FILIP1L: variants seen among roughly 807,000 people sequenced by gnomAD.
FILIP1L encodes filamin A-interacting protein 1-like.
Under a neutral mutation model 96.6 loss-of-function variants are expected in FILIP1L, and 55 were observed. The observed-to-expected ratio is 0.57, with a 90% CI of 0.46 to 0.71. FILIP1L has a LOEUF of 0.71. Ranked by LOEUF, FILIP1L falls within the 30% of genes least tolerant of loss-of-function variation. The pLI is 0.00. For missense variants in FILIP1L, 1,304 were observed against 1,321.2 expected (o/e 0.99, Z 0.20); for synonymous variants, 467 against 473.9 (o/e 0.99, Z 0.19).
chr3:99,913,856 G>A (rs146088921), intron 4 of FILIP1L, among the ~76,000 whole-genome samples: 74 of 152,206 alleles, frequency 4.9e-4, no homozygotes, highest in Admixed American at 1.4e-3. Flanking sequence ...TTGCTAATGC[G>A]TTTCTTCTGA....
chr3:99,909,006 TA>T (rs1009439292), intron 4 of FILIP1L, among the ~76,000 whole-genome samples: 10 of 152,102 alleles, frequency 6.6e-5, no homozygotes, highest in Admixed American at 2.0e-4. Flanking sequence ...ACTCTATACT[TA>T]AAAAAATTAT....
chr3:99,893,169 T>A (rs948746992), intron 4 of FILIP1L, among the ~76,000 whole-genome samples: 1 of 149,336 alleles, frequency 6.7e-6, no homozygotes, highest in African/African-American at 2.5e-5. Flanking sequence ...AGACTTTTTT[T>A]TTTTTTTTTT....
intron 4 of FILIP1L, among the ~76,000 whole-genome samples, chr3:99,864,910 G>C (rs1191840938): frequency 1.3e-5 from 2 of 152,116 alleles, no homozygotes; most frequent in Non-Finnish European, 2.9e-5. Flanking sequence ...GTGTGTGTAT[G>C]TGCGCACACA....
chr3:100,108,123 T>C (rs1044493348), intron 1 of FILIP1L, among the ~76,000 whole-genome samples: 4 of 152,296 alleles, frequency 2.6e-5, no homozygotes, highest in East Asian at 1.9e-4. Context: ...ATGATTCAAA[T>C]GCTAGTTCCT....
chr3:99,956,554 C>T (rs1390124109), intron 1 of FILIP1L, among the ~76,000 whole-genome samples: 1 of 152,152 alleles, frequency 6.6e-6, no homozygotes, highest in Non-Finnish European at 1.5e-5. Context: ...ACCACGTTGG[C>T]CAGGCTAGTC....
chr3:99,893,495 G>A (rs934706513), intron 4 of FILIP1L, among the ~76,000 whole-genome samples: 1 of 152,124 alleles, frequency 6.6e-6, no homozygotes, highest in African/African-American at 2.4e-5. Flanking sequence ...TAGGCATTTA[G>A]TAACAGTAAC....
intron 5 of FILIP1L, 129 bp downstream of exon 5, chr3:99,848,166 T>C (rs1421029032): frequency 2.0e-6 from 3 of 1,532,450 alleles, no homozygotes; most frequent in South Asian, 1.3e-5. Flanking sequence ...TGCACAAACC[T>C]TCCCAAAGTA....
chr3:99,986,939 A>C (rs1709358716), intron 1 of FILIP1L, among the ~76,000 whole-genome samples: 1 of 152,176 alleles, frequency 6.6e-6, no homozygotes, highest in South Asian at 2.1e-4. Flanking sequence ...TATACAAAGA[A>C]ATATTTAGGC....
chr3:99,954,253 C>T (rs1007051346), intron 1 of FILIP1L, among the ~76,000 whole-genome samples: 2 of 152,184 alleles, frequency 1.3e-5, no homozygotes, highest in Admixed American at 1.3e-4. Context: ...GCTTTGAGCC[C>T]AGGTCATCTA....
chr3:99,965,284 A>G (rs760667602), intron 1 of FILIP1L, among the ~76,000 whole-genome samples: 21 of 152,248 alleles, frequency 1.4e-4, no homozygotes, highest in South Asian at 1.0e-3. Flanking sequence ...TTCTTTGTAT[A>G]TGTGGGAGTT....
At chr3:99,938,074 T>TGTGTGTGC (rs1431638787) in intron 1 of FILIP1L, among the ~76,000 whole-genome samples, 3 of 85,210 alleles carry the variant, frequency 3.5e-5, no homozygotes, top group Non-Finnish European at 7.6e-5. Context: ...TGTGTGTGTG[T>TGTGTGTGC]GCGCGCGCGC....
chr3:99,938,596 C>G (rs1707763197), intron 1 of FILIP1L, among the ~76,000 whole-genome samples: 1 of 152,182 alleles, frequency 6.6e-6, no homozygotes, highest in Non-Finnish European at 1.5e-5. Context: ...TACACAGAAC[C>G]TTTAAGCTAA....
At chr3:99,918,699 C>T (rs1707032439) in intron 4 of FILIP1L, among the ~76,000 whole-genome samples, 1 of 152,154 alleles carries the variant, frequency 6.6e-6, no homozygotes, top group Non-Finnish European at 1.5e-5. Flanking sequence ...TTAGTACCCA[C>T]ATGAGGTAAT....
At chr3:100,075,090 TG>T (rs2065829142) in intron 1 of FILIP1L, among the ~76,000 whole-genome samples, 2 of 152,354 alleles carry the variant, frequency 1.3e-5, no homozygotes, top group Non-Finnish European at 2.9e-5. Context: ...TATTGGTCTA[TG>T]TTAGTTCCCT....
intron 4 of FILIP1L, among the ~76,000 whole-genome samples, chr3:99,915,177 T>C (rs1706913295): frequency 6.6e-6 from 1 of 152,180 alleles, no homozygotes; most frequent in African/African-American, 2.4e-5. Flanking sequence ...TATCCCATTC[T>C]CCCATGACCA....
At chr3:100,014,896 T>TTTTTTTTTTTTTTTTTC (rs1710290070) in intron 1 of FILIP1L, among the ~76,000 whole-genome samples, 1 of 70,230 alleles carries the variant, frequency 1.4e-5, no homozygotes, top group Non-Finnish European at 3.1e-5. Context: ...TCTTTCTTTC[T>TTTTTTTTTTTTTTTTTC]TTTTTTTTTT....
intron 4 of FILIP1L, among the ~76,000 whole-genome samples, chr3:99,882,030 C>G (rs1576544942): frequency 1.3e-5 from 2 of 152,246 alleles, no homozygotes; most frequent in South Asian, 4.1e-4. Flanking sequence ...AAGAGTAGAA[C>G]AGTTAGGTAA....
rs373793440 is a variant in FILIP1L at position 99,956,760 on chromosome 3, C to T, written c.-10-25730G>A. On this transcript the variant is annotated intron_variant, in intron 1 of 5. Coordinates refer to ENST00000477258, the MANE Select transcript of FILIP1L (RefSeq NM_001387850.1). ...CTCACTATTGGTTCTTTTTCCACAA[C>T]TTTATAACACGCCCAGTGGTCCCAC... is the stretch of plus-strand genomic sequence containing the variant. Among the ~76,000 whole-genome samples the T allele has an allele frequency of 4.6e-5, 7 of 152,324 alleles. No individual in the cohort carries two copies. The South Asian group carries it at 1.4e-3, about 32-fold the overall frequency.
At chr3:100,007,268 T>G (rs1279385174) in intron 1 of FILIP1L, among the ~76,000 whole-genome samples, 1 of 152,240 alleles carries the variant, frequency 6.6e-6, no homozygotes, top group Non-Finnish European at 1.5e-5. Flanking sequence ...TCTTTTTAGC[T>G]TTTATTTTTT....
Sources: gnomAD v4.1 joint callset for allele counts (sites outside exome capture counted in the v4.1 genomes callset) on GRCh38, gnomAD v4.1.1 for gene constraint, MANE v1.5 for transcripts, NCBI Gene and HGNC (gene_info 2026-07-23, HGNC 2026-07-21) for gene names.